The following KLF8 variants were observed in gnomAD, a reference collection of about 807,000 sequenced individuals.
KLF8 encodes Krueppel-like factor 8.
In KLF8, 10 loss-of-function variants were observed where a neutral mutation model predicts 18.2. That is an observed-to-expected ratio of 0.55 (90% CI 0.34 to 0.93). The LOEUF is 0.93. KLF8 is among the 40% of genes least tolerant of loss of function. The pLI is 0.02. For synonymous variants in KLF8, 109 were observed against 97.3 expected (o/e 1.12, Z -0.71); for missense variants, 264 against 277.9 (o/e 0.95, Z 0.36).
the KLF8 span, among the ~76,000 whole-genome samples, chrX:56,153,801 G>A: frequency 2.5e-4 from 28 of 111,357 alleles, no homozygotes; most frequent in African/African-American, 8.8e-4. Flanking sequence ...CAAACAGAGA[G>A]CCAAATCATG....
At chrX:56,068,885 G>T in the KLF8 span, among the ~76,000 whole-genome samples, 3 of 112,479 alleles carry the variant, frequency 2.7e-5, no homozygotes, top group South Asian at 1.1e-3. Flanking sequence ...GCTTGCTAGA[G>T]CTTATAGGCC....
the KLF8 span, among the ~76,000 whole-genome samples, chrX:56,064,180 G>T: frequency 2.0e-4 from 21 of 107,439 alleles, no homozygotes; most frequent in African/African-American, 7.1e-4. Context: ...TATGCAGGAT[G>T]CAGTCTTGTG....
At chrX:56,166,136 A>ATT in the KLF8 span, among the ~76,000 whole-genome samples, 3,874 of 99,966 alleles carry the variant, frequency 0.039, 150 homozygotes, top group African/African-American at 0.11. Context: ...TAAGTGCTTT[A>ATT]TTTTTTTTTT....
the KLF8 span, among the ~76,000 whole-genome samples, chrX:56,212,346 C>T: frequency 1.9e-5 from 1 of 53,883 alleles, no homozygotes; most frequent in East Asian, 6.5e-4. Context: ...GTCTTGTGCC[C>T]CCACAATCCA....
the KLF8 span, among the ~76,000 whole-genome samples, chrX:56,160,900 G>T: frequency 1.8e-5 from 2 of 111,185 alleles, no homozygotes; most frequent in African/African-American, 6.6e-5. Flanking sequence ...TTTAAGGTTA[G>T]TATTATTATG....
chrX:56,095,733 A>G, the KLF8 span, among the ~76,000 whole-genome samples: 1 of 111,930 alleles, frequency 8.9e-6, no homozygotes, highest in Non-Finnish European at 1.9e-5. Flanking sequence ...GAGAAATGAA[A>G]GTTAAAACCG....
At chrX:56,229,544 T>C (rs2066387993), upstream of KLF8, among the ~76,000 whole-genome samples, 1 of 111,996 alleles carries the variant, frequency 8.9e-6, no homozygotes, top group African/African-American at 3.2e-5. Context: ...TCACACCCTT[T>C]CGTGTGACAT....
In KLF8 at chrX:56,233,876, G is replaced by T. The variant is rs186965636; in HGVS notation, c.7+535G>T. The stretch of plus-strand genomic sequence containing the variant: ...CTGCGGGGGAGGAGCTGCTTTGGGC[G>T]TGCCAGCTCTTTAAGGAGGGGCTGA... On this transcript the variant is annotated intron_variant, in intron 1 of 5. Coordinates refer to ENST00000468660, the MANE Select transcript of KLF8 (RefSeq NM_007250.5). 6.2e-3 allele frequency among the ~76,000 whole-genome samples: 696 copies of T among 111,532 alleles called. 2 individuals are homozygous for T. Among genetic ancestry groups the T allele is most frequent in the Non-Finnish European group, 8.3e-3 (438 of 53,041 alleles).
the KLF8 span, among the ~76,000 whole-genome samples, chrX:56,031,571 G>T: frequency 1.8e-5 from 2 of 111,662 alleles, no homozygotes; most frequent in Non-Finnish European, 3.8e-5. Flanking sequence ...CGGGCCAATT[G>T]CCTACCCGGG....
intron 2 of KLF8, among the ~76,000 whole-genome samples, chrX:56,262,519 C>T (rs963920024): frequency 1.8e-5 from 2 of 111,397 alleles, no homozygotes; most frequent in African/African-American, 6.5e-5. Flanking sequence ...TTCAAAGCTT[C>T]AGCTTTTTCA....
At chrX:56,276,473 A>C (rs970956499) in intron 5 of KLF8, among the ~76,000 whole-genome samples, 2 of 111,148 alleles carry the variant, frequency 1.8e-5, no homozygotes, top group East Asian at 5.7e-4. Context: ...TTCATCTGGG[A>C]AAGTCTTTAT....
chrX:56,010,304 T>C, the KLF8 span, among the ~76,000 whole-genome samples: 1 of 111,841 alleles, frequency 8.9e-6, no homozygotes, highest in Admixed American at 9.5e-5. Flanking sequence ...TGGGGGCCAA[T>C]ACTCAACATT....
the KLF8 span, chrX:56,015,061 G>A: frequency 1.8e-5 from 2 of 110,253 alleles, no homozygotes; most frequent in Non-Finnish European, 3.8e-5. Flanking sequence ...ATAACTTGAT[G>A]ATGGGATGAT....
chrX:55,960,817 A>G, the KLF8 span, among the ~76,000 whole-genome samples: 1 of 111,914 alleles, frequency 8.9e-6, no homozygotes, highest in Admixed American at 9.4e-5. Context: ...ACATGATAAC[A>G]GGACCAATTT....
the KLF8 span, among the ~76,000 whole-genome samples, chrX:55,947,395 C>A: frequency 1.9e-5 from 2 of 106,409 alleles, no homozygotes; most frequent in African/African-American, 3.4e-5. Flanking sequence ...GAAGAAAAAA[C>A]CAAACACCGC....
At chrX:56,274,763 C>T (rs1457323190) in intron 5 of KLF8, among the ~76,000 whole-genome samples, 1 of 111,726 alleles carries the variant, frequency 9.0e-6, no homozygotes, top group Non-Finnish European at 1.9e-5. Flanking sequence ...AAGAGACAGT[C>T]CATTCCCCAA....
At chrX:56,191,562 G>A in the KLF8 span, among the ~76,000 whole-genome samples, 1 of 111,493 alleles carries the variant, frequency 9.0e-6, no homozygotes, top group African/African-American at 3.2e-5. Flanking sequence ...GAAAATTGTA[G>A]CAGAAAGAAT....
At chrX:56,054,195 G>C in the KLF8 span, among the ~76,000 whole-genome samples, 1 of 110,688 alleles carries the variant, frequency 9.0e-6, no homozygotes, top group African/African-American at 3.3e-5. Context: ...GCAGTGGCAT[G>C]CTTTCTAACT....
chrX:56,075,783 C>T, the KLF8 span, among the ~76,000 whole-genome samples: 1 of 111,523 alleles, frequency 9.0e-6, no homozygotes, highest in Non-Finnish European at 1.9e-5. Context: ...TCTTTCTGTG[C>T]CTGGCTTATT....
Sources: allele counts gnomAD v4.1 joint callset (sites outside exome capture counted in the v4.1 genomes callset), GRCh38; gene constraint gnomAD v4.1.1; transcripts MANE v1.5; gene names NCBI Gene and HGNC (gene_info 2026-07-23, HGNC 2026-07-21).